The following SETD3 variants were observed in gnomAD, a reference collection of about 807,000 sequenced individuals.
SETD3 encodes SET domain containing 3, actin N3(tau)-histidine methyltransferase.
In SETD3, 19 loss-of-function variants were observed where a neutral mutation model predicts 63.0. The observed-to-expected ratio is 0.30, with a 90% confidence interval of 0.21 to 0.44. The LOEUF (loss-of-function observed/expected upper bound fraction) is 0.44, where lower values mean the gene tolerates loss of function less well. Among genes scored for constraint, SETD3 ranks in the 20% least tolerant of loss-of-function variants. The probability of loss-of-function intolerance (pLI) is 1.00; values close to 1 mark genes in which losing one functional copy is unlikely to be tolerated. For missense variants in SETD3, 587 were observed against 728.5 expected, an observed-to-expected ratio of 0.81 and a Z score of 2.24; for synonymous variants, 286 against 264.1, an observed-to-expected ratio of 1.08 and a Z score of -0.80.
At chr14:99,413,243 AGCCAGGGGAAAT>A in intron 7 of SETD3, 178 bp from the exon 8 acceptor site, 1 of 571,904 alleles carries the variant, frequency 1.7e-6, no homozygotes, top group Non-Finnish European at 3.1e-6. Flanking sequence ...GGTTTGAAAG[AGCCAGGGGAAAT>A]GCAGGAGTGA....
rs1275648290 is a variant in SETD3, at chr14:99,443,396, C to T, written c.675+14883G>A. On this transcript the variant is annotated intron_variant, in intron 6 of 12. Transcript: ENST00000331768. ...CCTCTTGAGTAGCTGGGATCACAGG[C>T]GCACGCTACCAGGCCTGGGTGATTT... Among the ~76,000 whole-genome samples the T allele has an allele frequency of 4.0e-5, 6 of 151,572 alleles. No individual in the cohort carries two copies. The South Asian group carries it at 1.0e-3, about 26-fold the overall frequency.
chr14:99,443,157 G>A (rs1397900428), intron 6 of SETD3, among the ~76,000 whole-genome samples: 2 of 151,526 alleles, frequency 1.3e-5, no homozygotes, highest in Admixed American at 6.6e-5. Flanking sequence ...TTTACATCAT[G>A]ATCATTTTCT....
chr14:99,451,465 T>C (rs1290667840), intron 6 of SETD3, among the ~76,000 whole-genome samples: 1 of 152,200 alleles, frequency 6.6e-6, no homozygotes, highest in Non-Finnish European at 1.5e-5. Context: ...AGCTGCAGTA[T>C]GATGTTTCAG....
At chr14:99,449,134 A>G (rs1477807521) in intron 6 of SETD3, among the ~76,000 whole-genome samples, 1 of 152,226 alleles carries the variant, frequency 6.6e-6, no homozygotes, top group African/African-American at 2.4e-5. Flanking sequence ...GGAAGAAGGG[A>G]CAGCTCTTCC....
At chr14:99,481,412 A>AT (rs540333454), upstream of SETD3, 443 of 398,652 alleles carry the variant, frequency 1.1e-3, 2 homozygotes, top group African/African-American at 8.3e-3. Context: ...GGTCCCCGAC[A>AT]TTCCATATAC....
At chr14:99,402,124 T>C (rs1023850568) in intron 11 of SETD3, among the ~76,000 whole-genome samples, 2 of 152,206 alleles carry the variant, frequency 1.3e-5, no homozygotes, top group Non-Finnish European at 2.9e-5. Flanking sequence ...CCCTAGCTCC[T>C]GCTCAAGCTC....
chr14:99,465,280 C>G (rs1402584624), intron 2 of SETD3, among the ~76,000 whole-genome samples: 1 of 152,232 alleles, frequency 6.6e-6, no homozygotes, highest in Admixed American at 6.5e-5. Flanking sequence ...AGTACCTTCA[C>G]ACACCACATC....
Position 99,458,494 on chromosome 14 carries a change from T to C in SETD3, c.460A>G (p.Asn154Asp), listed in dbSNP as rs748803620. 2 of 1,614,184 alleles carry C rather than the reference T, an allele frequency of 1.2e-6. No homozygotes were observed. The highest frequency in any genetic ancestry group is 1.7e-6 in the Non-Finnish European group (2 of 1,180,034). ...SQDRILQAMG[N>D]IALAFHLLCE... ...AGCAAATGAAAGGCCAGTGCGATGT[T>C]TCCCATGGCTTGAAGGATTCGGTCT... Residue 154 changes from asparagine to aspartate, a missense_variant, in exon 6 of 13, where the codon AAC becomes GAC. Coordinates refer to ENST00000331768, the MANE Select transcript of SETD3 (RefSeq NM_032233.3).
In SETD3 at chr14:99,399,019, G is replaced by A. The variant is rs1261336639; in HGVS notation, c.1445C>T (p.Ala482Val). The A allele has an allele frequency of 6.2e-7, 1 of 1,614,186 alleles. No homozygotes were observed. Among genetic ancestry groups the A allele is most frequent in the Admixed American group, 1.7e-5 (1 of 60,028 alleles). Residue 482 changes from alanine (A) to valine (V), a missense_variant, in exon 13 of 13, where the codon GCA becomes GTA. Transcript: ENST00000331768. ...GCGATAGTATTCCCGGTTGACAGCT[G>A]CACTCTTTACTGCTTTTTCCAAAAT... ...KEILEKAVKS[A>V]AVNREYYRQQ...
chr14:99,468,838 CAT>C (rs1001480627), intron 1 of SETD3, among the ~76,000 whole-genome samples: 17 of 152,332 alleles, frequency 1.1e-4, no homozygotes, highest in African/African-American at 4.1e-4. Context: ...GACGTGCTCA[CAT>C]ACCAGCATCC....
chr14:99,398,612 C>G lies in SETD3; in HGVS notation c.*67G>C, dbSNP rs1420193224. 19 of 1,381,856 alleles carry G rather than the reference C, an allele frequency of 1.4e-5. No individual in the cohort carries two copies. Among genetic ancestry groups the G allele is most frequent in the Non-Finnish European group, 1.7e-5 (17 of 998,584 alleles). 85.6% of individuals were successfully genotyped at this position (1,381,856 alleles called of 1,614,324 possible). ...AAAGAAAAATGTTAACAAGGAAACA[C>G]AGCGATGTGAACGGACTGTCCGTCA... On this transcript the variant is annotated 3_prime_UTR_variant, in exon 13 of 13. Coordinates refer to ENST00000331768, the MANE Select transcript of SETD3 (RefSeq NM_032233.3).
intron 4 of SETD3, among the ~76,000 whole-genome samples, chr14:99,460,353 T>C (rs142382706): frequency 2.0e-5 from 3 of 151,872 alleles, no homozygotes; most frequent in Admixed American, 2.0e-4. Flanking sequence ...GAGAGAGAGA[T>C]AGAATACAAC....
intron 1 of SETD3, among the ~76,000 whole-genome samples, chr14:99,466,301 A>G (rs2400672): frequency 0.97 from 148,421 of 152,306 alleles, 72,421 homozygotes; most frequent in East Asian, 1. Flanking sequence ...AGAGCTGGAA[A>G]AAACTCTGGC....
chr14:99,457,230 T>C (rs997558639), intron 6 of SETD3, among the ~76,000 whole-genome samples: 1 of 152,244 alleles, frequency 6.6e-6, no homozygotes, highest in Non-Finnish European at 1.5e-5. Flanking sequence ...ATACATACTG[T>C]ATGACCATTC....
chr14:99,439,677 T>C (rs549398114), intron 6 of SETD3, among the ~76,000 whole-genome samples: 54 of 147,464 alleles, frequency 3.7e-4, no homozygotes, highest in African/African-American at 1.3e-3. Context: ...ATAATACATA[T>C]TTATATATTT....
intron 1 of SETD3, among the ~76,000 whole-genome samples, chr14:99,473,040 C>T (rs780587699): frequency 2.6e-5 from 4 of 152,190 alleles, no homozygotes; most frequent in Non-Finnish European, 5.9e-5. Flanking sequence ...AACTTTGGCC[C>T]TTTAAAACAC....
intron 11 of SETD3, among the ~76,000 whole-genome samples, chr14:99,403,734 C>T (rs976696836): frequency 2.0e-5 from 3 of 152,188 alleles, no homozygotes; most frequent in African/African-American, 7.2e-5. Context: ...GTTATTTACT[C>T]TAACAGGATG....
chr14:99,428,252 A>C (rs1265142141), intron 6 of SETD3, among the ~76,000 whole-genome samples: 1 of 152,238 alleles, frequency 6.6e-6, no homozygotes, highest in African/African-American at 2.4e-5. Flanking sequence ...AGGTGTCAGT[A>C]AGTTAGTATC....
intron 6 of SETD3, among the ~76,000 whole-genome samples, chr14:99,454,810 G>T (rs1230075969): frequency 6.6e-6 from 1 of 152,162 alleles, no homozygotes. Context: ...TGGCTCCAGA[G>T]CCTGCCCTCT....
Sources: gnomAD v4.1 joint callset for allele counts (sites outside exome capture counted in the v4.1 genomes callset) on GRCh38, gnomAD v4.1.1 for gene constraint, MANE v1.5 for transcripts, NCBI Gene and HGNC (gene_info 2026-07-23, HGNC 2026-07-21) for gene names.